The following EIF3A variants were observed in gnomAD, a reference collection of about 807,000 sequenced individuals.
EIF3A encodes the protein eukaryotic translation initiation factor 3 subunit A, also known as EIF3, p180 subunit.
A neutral mutation model predicts 186.6 loss-of-function variants in EIF3A; 21 were observed. The ratio of observed to expected loss-of-function variants is 0.11; its 90% confidence interval spans 0.08 to 0.16. EIF3A has a LOEUF of 0.16. EIF3A is among the 10% of genes least tolerant of loss of function. The pLI, the probability that EIF3A is intolerant of heterozygous loss-of-function variation, is 1.00. For missense variants in EIF3A, 1,306 were observed against 1,796.3 expected, an observed-to-expected ratio of 0.73 and a Z score of 4.93; for synonymous variants, 563 against 584.3, an observed-to-expected ratio of 0.96 and a Z score of 0.52.
intron 1 of EIF3A, among the ~76,000 whole-genome samples, chr10:119,075,754 C>G (rs1844160193): frequency 8.2e-6 from 1 of 121,352 alleles, no homozygotes. Flanking sequence ...TGCTCTGTCA[C>G]TCAGGCTGGA....
chr10:119,058,320 A>AT lies in EIF3A; in HGVS notation c.1630-18dup. The AT allele has an allele frequency of 6.6e-6, 10 of 1,515,062 alleles. No individual in the cohort carries two copies. Among genetic ancestry groups the AT allele is most frequent in the South Asian group, 1.3e-5 (1 of 79,858 alleles). The allele number at this position is 1,515,062 out of a possible 1,614,324, so 93.9% of individuals were successfully genotyped here. On this transcript the variant is annotated splice_polypyrimidine_tract_variant and intron_variant, in intron 11 of 21. Coordinates refer to ENST00000369144, the MANE Select transcript of EIF3A (RefSeq NM_003750.4). Reference sequence around the variant, plus strand: ...TTTCTCTTGCTTCAAAAACAAATGAATTTTTTTACATGACCAAAATTAACA... The same window carrying AT: ...TTTCTCTTGCTTCAAAAACAAATGAATTTTTTTTACATGACCAAAATTAACA...
At position 119,036,141 on chromosome 10, in the gene EIF3A, A is replaced by G. The variant is rs560295188; in HGVS notation, c.4047T>C (p.Gly1349=). The part of the protein sequence containing the change: ...RERDRDRERE[G]EKEKASWRAE... ...CTCTCCATGAGGCCTTCTCTTTTTC[A>G]CCTTCTCTTTCTCGGTCTCGGTCTC... is the stretch of plus-strand genomic sequence containing the variant. Residue 1349 remains glycine, a synonymous_variant, in exon 22 of 22, where the codon GGT becomes GGC. Transcript: ENST00000369144. 8.1e-6 allele frequency: 13 copies of G among 1,610,440 alleles called. No homozygotes were observed. The African/African-American group carries it at 1.2e-4, about 15-fold the overall frequency.
chr10:119,052,394 G>GTGTGTGTGTGTGTGTC, intron 14 of EIF3A, among the ~76,000 whole-genome samples: 1 of 150,950 alleles, frequency 6.6e-6, no homozygotes, highest in Non-Finnish European at 1.5e-5. Context: ...GTGTGTGTGT[G>GTGTGTGTGTGTGTGTC]TGTGTTTTAA....
At chr10:119,043,599 T>C (rs998603484) in intron 18 of EIF3A, among the ~76,000 whole-genome samples, 2 of 144,944 alleles carry the variant, frequency 1.4e-5, no homozygotes, top group Non-Finnish European at 3.0e-5. Context: ...TGAGACGCCA[T>C]CTCAAAACAA....
chr10:119,052,399 T>TGTGTGTGTGTGTGTG (rs1554870363), intron 14 of EIF3A, among the ~76,000 whole-genome samples: 7 of 149,216 alleles, frequency 4.7e-5, no homozygotes, highest in African/African-American at 1.7e-4. Flanking sequence ...TGTGTGTGTG[T>TGTGTGTGTGTGTGTG]TTTAAGACAG....
chr10:119,059,567 G>A (rs1378601565), intron 10 of EIF3A, 35 bp downstream of exon 10: 1 of 1,522,640 alleles, frequency 6.6e-7, no homozygotes. Context: ...TAGCCCTCAA[G>A]GGCCTTCTCC....
intron 20 of EIF3A, among the ~76,000 whole-genome samples, chr10:119,037,907 ATT>A (rs575308953): frequency 0.023 from 2,102 of 92,988 alleles, 19 homozygotes; most frequent in African/African-American, 0.077. Flanking sequence ...TTAAGAGGGA[ATT>A]TTTTTTTTTT....
chr10:119,067,243 A>AT (rs955133655), intron 6 of EIF3A, among the ~76,000 whole-genome samples: 1 of 151,898 alleles, frequency 6.6e-6, no homozygotes, highest in Non-Finnish European at 1.5e-5. Context: ...TGTGAATTAC[A>AT]TAAGTGACAG....
chr10:119,041,057 AGTC>A, intron 19 of EIF3A, among the ~76,000 whole-genome samples: 1 of 149,092 alleles, frequency 6.7e-6, no homozygotes, highest in East Asian at 2.0e-4. Flanking sequence ...ATGTGCCTGT[AGTC>A]CCAGCTACTT....
At chr10:119,074,068 T>G in intron 1 of EIF3A, 131 bp from the exon 2 acceptor site, 1 of 716,228 alleles carries the variant, frequency 1.4e-6, no homozygotes, top group East Asian at 2.9e-5. Flanking sequence ...ATTTTTGACT[T>G]CTAAAGCTAT....
chr10:119,061,479 CA>C (rs1843887177), intron 7 of EIF3A, 151 bp from the exon 8 acceptor site: 1 of 461,440 alleles, frequency 2.2e-6, no homozygotes. Context: ...AAAATGAATC[CA>C]AAGTACAACT....
intron 1 of EIF3A, among the ~76,000 whole-genome samples, chr10:119,075,664 A>ATC (rs1302411289): frequency 1.1e-4 from 15 of 139,804 alleles, no homozygotes; most frequent in African/African-American, 2.9e-4. Flanking sequence ...ATATATATAT[A>ATC]TATCTCCTTT....
rs142850738 is a variant in EIF3A, at chr10:119,040,096, C to T, written c.3527-1657G>A. 3.3e-5 allele frequency among the ~76,000 whole-genome samples: 5 copies of T among 152,306 alleles called. No individual in the cohort carries two copies. The East Asian group carries it at 7.7e-4, about 23-fold the overall frequency. ...CAGAATGAAGTGAGACTAGAAGAGA[C>T]GAAGTAGGCAACAGAAACAACTGGG... On this transcript the variant is annotated intron_variant, in intron 19 of 21. Coordinates refer to ENST00000369144, the MANE Select transcript of EIF3A (RefSeq NM_003750.4).
At chr10:119,041,206 T>C (rs912157600) in intron 19 of EIF3A, among the ~76,000 whole-genome samples, 2 of 151,766 alleles carry the variant, frequency 1.3e-5, no homozygotes, top group Non-Finnish European at 2.9e-5. Context: ...AATAGACGCA[T>C]GTCACAAACA....
intron 11 of EIF3A, among the ~76,000 whole-genome samples, chr10:119,058,997 C>A (rs1278272946): frequency 6.6e-6 from 1 of 152,236 alleles, no homozygotes; most frequent in Non-Finnish European, 1.5e-5. Context: ...CACCCTATTA[C>A]ATTACCTACA....
chr10:119,051,262 T>G lies in EIF3A; in HGVS notation c.2256A>C (p.Arg752=). 6.2e-7 allele frequency: 1 copy of G among 1,612,092 alleles called. No individual in the cohort carries two copies. The highest frequency in any genetic ancestry group is 1.1e-5 in the South Asian group (1 of 90,704). Residue 752 remains arginine (R), a synonymous_variant, in exon 15 of 22, where the codon CGA becomes CGC. Coordinates refer to ENST00000369144, the MANE Select transcript of EIF3A (RefSeq NM_003750.4). ...CGAATAAATCTCTGTCTTCAAGCAT[T>G]CGTGACATTCGATTCTTATGTTCAA... ...KALEHKNRMS[R]MLEDRDLFVM...
In EIF3A at chr10:119,080,669, G is replaced by A. The variant is rs758355282; in HGVS notation, c.8C>T (p.Ala3Val). The change falls in exon 1 of 22, where the codon GCC becomes GTC. Residue 3 changes from alanine (A) to valine (V), a missense_variant. Ala to Val is a moderately conservative substitution (Grantham distance 64, BLOSUM62 0). This residue lies in a region of EIF3A where 130 missense variants were observed against 259.3 expected (regional missense o/e 0.50). Coordinates refer to ENST00000369144, the MANE Select transcript of EIF3A (RefSeq NM_003750.4). Reference protein sequence around the residue: MPAYFQRPENALK... With the variant: MPVYFQRPENALK... The stretch of plus-strand genomic sequence containing the variant: ...GGCATTTTCCGGCCTCTGAAAATAG[G>A]CCGGCATCTTGGCGGCAGGCTCAGC... 6 of 1,596,226 alleles carry A rather than the reference G, an allele frequency of 3.8e-6. No homozygotes were observed. The highest frequency in any genetic ancestry group is 2.3e-5 in the South Asian group (2 of 88,092).
At chr10:119,062,649 T>C (rs1442280266) in intron 7 of EIF3A, among the ~76,000 whole-genome samples, 3 of 152,184 alleles carry the variant, frequency 2.0e-5, no homozygotes, top group African/African-American at 7.2e-5. Flanking sequence ...CACAGAGTTT[T>C]AGTGGCTCAA....
intron 13 of EIF3A, 30 bp from the exon 14 acceptor site, chr10:119,056,883 A>T (rs2119819217): frequency 6.3e-7 from 1 of 1,595,576 alleles, no homozygotes; most frequent in South Asian, 1.1e-5. Flanking sequence ...ACGTAGTTTT[A>T]AAAAATCTCT....
Sources: allele counts gnomAD v4.1 joint callset (sites outside exome capture counted in the v4.1 genomes callset), GRCh38; gene constraint gnomAD v4.1.1; regional missense constraint gnomAD v4.1.1; transcripts MANE v1.5; gene names NCBI Gene and HGNC (gene_info 2026-07-23, HGNC 2026-07-21).